Variants in CCSER1 observed in about 807,000 individuals in gnomAD.
CCSER1 encodes coiled-coil serine rich protein 1.
A neutral mutation model predicts 82.0 loss-of-function variants in CCSER1; 41 were observed. That is an observed-to-expected ratio of 0.50 (90% CI 0.39 to 0.65). CCSER1 has a LOEUF of 0.65. Ranked by LOEUF, CCSER1 falls within the 30% of genes least tolerant of loss-of-function variation. The probability of loss-of-function intolerance (pLI) is 0.00; values close to 1 mark genes in which losing one functional copy is unlikely to be tolerated. For missense variants in CCSER1, 1,119 were observed against 1,064.2 expected (o/e 1.05, Z -0.72); for synonymous variants, 414 against 383.9 (o/e 1.08, Z -0.92).
chr4:91,091,424 A>G (rs1462952802), intron 10 of CCSER1, among the ~76,000 whole-genome samples: 1 of 152,160 alleles, frequency 6.6e-6, no homozygotes, highest in Admixed American at 6.5e-5. Context: ...TAACTATAGA[A>G]CAAAAAAAAT....
At chr4:90,859,499 G>A (rs1164765569) in intron 8 of CCSER1, among the ~76,000 whole-genome samples, 5 of 151,496 alleles carry the variant, frequency 3.3e-5, no homozygotes, top group African/African-American at 1.2e-4. Context: ...GTAATTACCG[G>A]GCATGTATTT....
intron 10 of CCSER1, among the ~76,000 whole-genome samples, chr4:91,519,243 G>A (rs930976192): frequency 1.3e-5 from 2 of 152,124 alleles, no homozygotes; most frequent in African/African-American, 4.8e-5. Context: ...CTGGGGGTCC[G>A]CTCTAGACAG....
At chr4:90,662,820 A>G (rs913289549) in intron 6 of CCSER1, among the ~76,000 whole-genome samples, 1 of 152,168 alleles carries the variant, frequency 6.6e-6, no homozygotes, top group Non-Finnish European at 1.5e-5. Flanking sequence ...CAAGTCATAC[A>G]TTAAAGTGGG....
chr4:90,907,360 C>A (rs1352521511), intron 8 of CCSER1, among the ~76,000 whole-genome samples: 1 of 151,756 alleles, frequency 6.6e-6, no homozygotes, highest in Non-Finnish European at 1.5e-5. Flanking sequence ...CACCAGGATG[C>A]TGCTAGTGAG....
At chr4:90,434,800 G>A (rs1758785228) in intron 4 of CCSER1, among the ~76,000 whole-genome samples, 1 of 152,128 alleles carries the variant, frequency 6.6e-6, no homozygotes, top group African/African-American at 2.4e-5. Context: ...GATTTTCTAT[G>A]TAGGGACAGA....
chr4:91,097,279 G>T (rs1724604280), intron 10 of CCSER1, among the ~76,000 whole-genome samples: 1 of 152,086 alleles, frequency 6.6e-6, no homozygotes, highest in Non-Finnish European at 1.5e-5. Flanking sequence ...AAATTCTATT[G>T]AATGTGATAA....
chr4:90,274,441 C>CA (rs11423804), intron 1 of CCSER1, among the ~76,000 whole-genome samples: 5,521 of 152,202 alleles, frequency 0.036, 266 homozygotes, highest in African/African-American at 0.11. Flanking sequence ...TACGTGTTAT[C>CA]TATCAGCTTT....
Position 90,419,367 on chromosome 4 carries a change from A to G in CCSER1, c.1603+19238A>G, listed in dbSNP as rs148092415. Among the ~76,000 whole-genome samples, 838 of 152,080 alleles carry G rather than the reference A, an allele frequency of 5.5e-3. 2 individuals carry two copies. Among genetic ancestry groups the G allele is most frequent in the African/African-American group, 0.017 (722 of 41,560 alleles). Reference sequence around the variant, plus strand: ...TTTGTATTCAGCTTTATAGTTTACAAGCTATTTCAAATATGTTATCTCATC... The same window carrying G: ...TTTGTATTCAGCTTTATAGTTTACAGGCTATTTCAAATATGTTATCTCATC... On this transcript the variant is annotated intron_variant, in intron 4 of 10. Transcript: ENST00000509176.
intron 7 of CCSER1, among the ~76,000 whole-genome samples, chr4:90,766,579 G>T (rs1751266061): frequency 6.6e-6 from 1 of 152,080 alleles, no homozygotes; most frequent in Admixed American, 6.6e-5. Flanking sequence ...AGAAGTTCCA[G>T]GCTGCAGTGA....
At chr4:90,280,389 A>G (rs1489468057) in intron 1 of CCSER1, among the ~76,000 whole-genome samples, 1 of 146,506 alleles carries the variant, frequency 6.8e-6, no homozygotes, top group African/African-American at 2.5e-5. Context: ...CCCTCCTTCC[A>G]TCTCCTGTTT....
intron 1 of CCSER1, among the ~76,000 whole-genome samples, chr4:90,226,508 G>C (rs926483799): frequency 6.6e-6 from 1 of 152,180 alleles, no homozygotes; most frequent in African/African-American, 2.4e-5. Context: ...GATGCAGTTG[G>C]TATAAGAAAA....
intron 3 of CCSER1, among the ~76,000 whole-genome samples, chr4:90,337,953 G>T (rs891186712): frequency 6.6e-6 from 1 of 152,074 alleles, no homozygotes; most frequent in South Asian, 2.1e-4. Flanking sequence ...AAGAATATTA[G>T]CCCACACATA....
chr4:90,438,300 T>G (rs573662363), intron 4 of CCSER1, among the ~76,000 whole-genome samples: 1 of 152,284 alleles, frequency 6.6e-6, no homozygotes, highest in Non-Finnish European at 1.5e-5. Context: ...TTCATTGCTA[T>G]TAATAGGGTA....
At chr4:90,157,747 G>A (rs1231092589) in intron 1 of CCSER1, among the ~76,000 whole-genome samples, 1 of 152,000 alleles carries the variant, frequency 6.6e-6, no homozygotes, top group Non-Finnish European at 1.5e-5. Context: ...GCACTTCTCT[G>A]TATTGGTTAT....
chr4:90,886,750 G>T (rs1453595566), intron 8 of CCSER1, among the ~76,000 whole-genome samples: 1 of 152,098 alleles, frequency 6.6e-6, no homozygotes, highest in Non-Finnish European at 1.5e-5. Flanking sequence ...GACAAAGAAA[G>T]AACTACAGAG....
At chr4:90,802,133 G>T (rs200202399) in intron 7 of CCSER1, among the ~76,000 whole-genome samples, 2 of 151,510 alleles carry the variant, frequency 1.3e-5, no homozygotes, top group African/African-American at 4.8e-5. Context: ...CACGAGAATC[G>T]CTTGAACCCG....
At chr4:91,149,114 C>T (rs1178276402) in intron 10 of CCSER1, among the ~76,000 whole-genome samples, 1 of 152,126 alleles carries the variant, frequency 6.6e-6, no homozygotes, top group African/African-American at 2.4e-5. Context: ...CAAAAGTGTT[C>T]CTATTCCTCC....
chr4:90,893,246 A>G lies in CCSER1; in HGVS notation c.2095-30124A>G, dbSNP rs188293916. On this transcript the variant is annotated intron_variant, in intron 8 of 10. Transcript: ENST00000509176. ...GTTATTACTTGATTTTACAATGACCAAGCAAGAAACGACTCTACTCAGAAT... is the reference window on the plus strand; with the variant it reads ...GTTATTACTTGATTTTACAATGACCGAGCAAGAAACGACTCTACTCAGAAT... Among the ~76,000 whole-genome samples, 159 of 152,192 alleles carry G rather than the reference A, an allele frequency of 1.0e-3. 1 individual carries two copies. Among genetic ancestry groups the G allele is most frequent in the African/African-American group, 3.7e-3 (152 of 41,548 alleles).
intron 10 of CCSER1, among the ~76,000 whole-genome samples, chr4:91,514,449 T>C (rs28824922): frequency 0.013 from 1,988 of 152,238 alleles, 30 homozygotes; most frequent in African/African-American, 0.044. Context: ...TGAGAAGTAT[T>C]CTATAGATGT....
Sources: allele counts gnomAD v4.1 joint callset (sites outside exome capture counted in the v4.1 genomes callset), GRCh38; gene constraint gnomAD v4.1.1; transcripts MANE v1.5; gene names NCBI Gene and HGNC (gene_info 2026-07-23, HGNC 2026-07-21).